The following GPR39 variants were observed in gnomAD, a reference collection of about 807,000 sequenced individuals.
GPR39 encodes G protein-coupled receptor 39.
In GPR39, 23 loss-of-function variants were observed where a neutral mutation model predicts 18.4. That is an observed-to-expected ratio of 1.25 (90% CI 0.90 to 1.77). The LOEUF is 1.77. Ranked by LOEUF, GPR39 falls within the 40% of genes most tolerant of loss-of-function variation. GPR39 has a pLI of 0.00. For missense variants in GPR39, 647 were observed against 602.4 expected (o/e 1.07, Z -0.78); for synonymous variants, 280 against 257.9 (o/e 1.09, Z -0.82).
At chr2:132,613,048 T>G (rs57213001) in intron 1 of GPR39, among the ~76,000 whole-genome samples, 6,033 of 152,308 alleles carry the variant, frequency 0.04, 401 homozygotes, top group African/African-American at 0.14. Context: ...TATCCATATT[T>G]TAAAATGCTA....
intron 1 of GPR39, among the ~76,000 whole-genome samples, chr2:132,638,561 C>G (rs1220924124): frequency 6.6e-6 from 1 of 152,200 alleles, no homozygotes; most frequent in Admixed American, 6.5e-5. Context: ...AGAATTCTGT[C>G]TCAGCCGTTA....
rs185837794 is a variant in GPR39 at position 132,624,058 on chromosome 2, T to G, written c.857-21043T>G. Among the ~76,000 whole-genome samples the G allele has an allele frequency of 2.7e-3, 404 of 152,328 alleles. 1 individual carries two copies. Among genetic ancestry groups the G allele is most frequent in the Admixed American group, 5.4e-3 (82 of 15,298 alleles). ...GTGACAACATGAGTTTGCTAGGGGC[T>G]ACCATGATAAAATAACGTGGGTTCG... On this transcript the variant is annotated intron_variant, in intron 1 of 1. Transcript: ENST00000329321.
At chr2:132,598,770 G>A (rs1475509482) in intron 1 of GPR39, among the ~76,000 whole-genome samples, 6 of 152,078 alleles carry the variant, frequency 3.9e-5, no homozygotes, top group African/African-American at 1.4e-4. Flanking sequence ...GAGGCACTGG[G>A]CAGTCAATCT....
At chr2:132,643,983 C>T (rs968172204) in intron 1 of GPR39, among the ~76,000 whole-genome samples, 2 of 152,202 alleles carry the variant, frequency 1.3e-5, no homozygotes, top group African/African-American at 4.8e-5. Flanking sequence ...TCTGAAAATG[C>T]AAATCCTGCT....
chr2:132,622,852 T>C (rs980243760), intron 1 of GPR39, among the ~76,000 whole-genome samples: 1 of 152,176 alleles, frequency 6.6e-6, no homozygotes, highest in African/African-American at 2.4e-5. Context: ...CGGTGGCTCA[T>C]GCCTGTAATC....
chr2:132,560,717 G>A (rs777753933), intron 1 of GPR39, among the ~76,000 whole-genome samples: 5 of 151,978 alleles, frequency 3.3e-5, no homozygotes, highest in Non-Finnish European at 7.4e-5. Context: ...CCTCCATCCA[G>A]TCCTCACCAG....
At position 132,493,298 on chromosome 2, in the gene GPR39, CACCATATATAT is replaced by C. The variant is rs551324050; in HGVS notation, c.856+75414_856+75424del. Among the ~76,000 whole-genome samples the C allele has an allele frequency of 1.8e-3, 256 of 145,182 alleles. 1 individual carries two copies. The highest frequency in any genetic ancestry group is 6.1e-3 in the African/African-American group (241 of 39,716). ...GTATACCATATATACCATATATATA[CACCATATATAT>C]ACCATATATATACACATACCATATA... On this transcript the variant is annotated intron_variant, in intron 1 of 1. Transcript: ENST00000329321.
At chr2:132,516,112 G>A (rs1001014632) in intron 1 of GPR39, among the ~76,000 whole-genome samples, 14 of 152,094 alleles carry the variant, frequency 9.2e-5, no homozygotes, top group South Asian at 4.1e-4. Context: ...TGGCAAGCCC[G>A]TGAAGGCTGA....
At chr2:132,490,589 C>T (rs1236331278) in intron 1 of GPR39, among the ~76,000 whole-genome samples, 1 of 151,826 alleles carries the variant, frequency 6.6e-6, no homozygotes, top group Non-Finnish European at 1.5e-5. Context: ...GCATGCCGAT[C>T]GCTGGTGAAT....
intron 1 of GPR39, among the ~76,000 whole-genome samples, chr2:132,492,159 T>C (rs891747254): frequency 6.8e-6 from 1 of 147,066 alleles, no homozygotes; most frequent in Non-Finnish European, 1.5e-5. Context: ...ACCACATAAA[T>C]ATATACACAC....
intron 1 of GPR39, among the ~76,000 whole-genome samples, chr2:132,588,129 G>A (rs1680764138): frequency 6.6e-6 from 1 of 152,140 alleles, no homozygotes; most frequent in African/African-American, 2.4e-5. Context: ...GGGAAAAGGT[G>A]TTTGCGATTG....
intron 1 of GPR39, among the ~76,000 whole-genome samples, chr2:132,436,459 T>C (rs3762465): frequency 0.4 from 60,160 of 151,906 alleles, 12,900 homozygotes; most frequent in African/African-American, 0.58. Context: ...CCAGAATTCA[T>C]ATTTTTGAGG....
chr2:132,522,523 A>G (rs59871121), intron 1 of GPR39, among the ~76,000 whole-genome samples: 5,430 of 152,270 alleles, frequency 0.036, 321 homozygotes, highest in African/African-American at 0.12. Flanking sequence ...AATCTTTACA[A>G]TTACCGTTTA....
At chr2:132,518,452 C>T (rs1184858666) in intron 1 of GPR39, among the ~76,000 whole-genome samples, 2 of 152,206 alleles carry the variant, frequency 1.3e-5, no homozygotes, top group South Asian at 2.1e-4. Flanking sequence ...CTATGCACTG[C>T]GAGTAATGTG....
chr2:132,459,390 C>G (rs766811445), intron 1 of GPR39, among the ~76,000 whole-genome samples: 2 of 152,196 alleles, frequency 1.3e-5, no homozygotes, highest in African/African-American at 2.4e-5. Context: ...TTTCTTTTCT[C>G]GTTCTCTCCC....
At chr2:132,607,981 T>C (rs576004651) in intron 1 of GPR39, among the ~76,000 whole-genome samples, 1 of 152,250 alleles carries the variant, frequency 6.6e-6, no homozygotes, top group East Asian at 1.9e-4. Flanking sequence ...GGCAGAGCAA[T>C]TCTCTGGTTT....
At chr2:132,644,898 C>T (rs1256373632) in intron 1 of GPR39, 3 of 595,056 alleles carry the variant, frequency 5.0e-6, no homozygotes, top group South Asian at 2.2e-5. Flanking sequence ...ACAGCCAACT[C>T]CCCCGGGTTT....
chr2:132,543,096 C>G (rs749098078), intron 1 of GPR39, among the ~76,000 whole-genome samples: 82 of 152,292 alleles, frequency 5.4e-4, no homozygotes, highest in Middle Eastern at 6.8e-3. Context: ...GCATTCTTGT[C>G]TCACGACCAG....
intron 1 of GPR39, among the ~76,000 whole-genome samples, chr2:132,489,459 G>A (rs1473004881): frequency 1.3e-5 from 2 of 152,014 alleles, no homozygotes; most frequent in Non-Finnish European, 2.9e-5. Flanking sequence ...GGTTCCCTGC[G>A]GGCCGCTCCC....
Sources: allele counts gnomAD v4.1 joint callset (sites outside exome capture counted in the v4.1 genomes callset), GRCh38; gene constraint gnomAD v4.1.1; transcripts MANE v1.5; gene names NCBI Gene and HGNC (gene_info 2026-07-23, HGNC 2026-07-21).